NRXN3: variants seen among roughly 807,000 people sequenced by gnomAD.
The protein encoded by NRXN3 is neurexin 3, also known as neurexin III.
Under a neutral mutation model 137.6 loss-of-function variants are expected in NRXN3, and 32 were observed. That is an observed-to-expected ratio of 0.23 (90% CI 0.18 to 0.31). The LOEUF is 0.31. Among genes scored for constraint, NRXN3 ranks in the 10% least tolerant of loss-of-function variants. NRXN3 has a pLI of 1.00. For missense variants in NRXN3, 1,574 were observed against 2,062.5 expected (o/e 0.76, Z 4.59); for synonymous variants, 798 against 784.5 (o/e 1.02, Z -0.29).
rs141877601 is a variant in NRXN3, at chr14:78,802,339, C to T, written c.2045-1281C>T. 2.9e-3 allele frequency among the ~76,000 whole-genome samples: 444 copies of T among 152,146 alleles called. 4 individuals are homozygous for T. Among genetic ancestry groups the T allele is most frequent in the African/African-American group, 0.01 (428 of 41,494 alleles). On this transcript the variant is annotated intron_variant, in intron 8 of 20. Transcript: ENST00000335750. ...ATAGGTGGGAACTGAACAATGAGAA[C>T]ACATGGACACAGGAAGGGGAACATC...
At chr14:78,772,168 A>G (rs942334185) in intron 8 of NRXN3, among the ~76,000 whole-genome samples, 1 of 152,166 alleles carries the variant, frequency 6.6e-6, no homozygotes, top group East Asian at 1.9e-4. Context: ...CAGAGTTTCA[A>G]ATTAAGGATG....
intron 4 of NRXN3, among the ~76,000 whole-genome samples, chr14:78,310,109 C>G (rs991517240): frequency 6.6e-6 from 1 of 152,044 alleles, no homozygotes; most frequent in Non-Finnish European, 1.5e-5. Flanking sequence ...CTGCTTAACT[C>G]TAGGAAGAGC....
intron 8 of NRXN3, among the ~76,000 whole-genome samples, chr14:78,723,806 C>A (rs201350928): frequency 7.1e-6 from 1 of 140,722 alleles, no homozygotes; most frequent in Middle Eastern, 3.3e-3. Context: ...TTTTTTTTTT[C>A]TTGTGTGGTG....
chr14:79,816,057 A>C (rs1454762311), intron 20 of NRXN3, among the ~76,000 whole-genome samples: 4 of 152,204 alleles, frequency 2.6e-5, no homozygotes, highest in African/African-American at 7.2e-5. Flanking sequence ...CCCAGGTACT[A>C]TACTGGGTAC....
intron 2 of NRXN3, among the ~76,000 whole-genome samples, chr14:78,257,934 G>C (rs898194562): frequency 5.3e-5 from 8 of 152,138 alleles, no homozygotes; most frequent in African/African-American, 1.9e-4. Flanking sequence ...GTATTAAGGG[G>C]TGGGTAGTGA....
chr14:79,347,576 C>A (rs1017748356), intron 15 of NRXN3, among the ~76,000 whole-genome samples: 1 of 152,056 alleles, frequency 6.6e-6, no homozygotes, highest in Non-Finnish European at 1.5e-5. Flanking sequence ...CACGTGCCAC[C>A]ACCCCTGGCT....
chr14:79,710,615 G>A (rs1231327548), intron 19 of NRXN3, among the ~76,000 whole-genome samples: 1 of 152,204 alleles, frequency 6.6e-6, no homozygotes, highest in African/African-American at 2.4e-5. Context: ...TACTTCCACA[G>A]TCCAGTTTAT....
chr14:79,720,698 C>T (rs191945045), intron 19 of NRXN3, among the ~76,000 whole-genome samples: 13 of 151,986 alleles, frequency 8.6e-5, no homozygotes, highest in African/African-American at 2.7e-4. Context: ...GAATAAATAT[C>T]CTAAAACTAA....
intron 4 of NRXN3, among the ~76,000 whole-genome samples, chr14:78,550,480 T>C (rs1186294198): frequency 6.6e-6 from 1 of 151,932 alleles, no homozygotes; most frequent in Non-Finnish European, 1.5e-5. Context: ...TTAGTAAAGT[T>C]CAAATGACAA....
chr14:78,823,825 G>T (rs762588530), intron 10 of NRXN3, among the ~76,000 whole-genome samples: 1 of 151,756 alleles, frequency 6.6e-6, no homozygotes, highest in Non-Finnish European at 1.5e-5. Context: ...GCCTCTTCAT[G>T]GGTTACACGT....
intron 13 of NRXN3, 24 bp downstream of exon 13, chr14:78,967,422 T>C: frequency 6.4e-7 from 1 of 1,565,404 alleles, no homozygotes; most frequent in Non-Finnish European, 8.8e-7. Context: ...AGAAATTTAG[T>C]TTTTAATAGA....
In NRXN3 at chr14:78,520,414, C is replaced by T. The variant is rs567635840; in HGVS notation, c.758-124706C>T. Among the ~76,000 whole-genome samples, 32 of 152,100 alleles carry T rather than the reference C, an allele frequency of 2.1e-4. No individual in the cohort carries two copies. In the South Asian group the frequency reaches 6.7e-3, roughly 32 times the overall value. On this transcript the variant is annotated intron_variant, in intron 4 of 20. Transcript: ENST00000335750. Reference sequence around the variant, plus strand: ...GTTGGAATTTCTTTAGCCTTTTAGCCCAGATCACATATACTTATTACGTAT... The same window carrying T: ...GTTGGAATTTCTTTAGCCTTTTAGCTCAGATCACATATACTTATTACGTAT...
At chr14:78,258,649 G>A (rs919693556) in intron 2 of NRXN3, among the ~76,000 whole-genome samples, 5 of 152,146 alleles carry the variant, frequency 3.3e-5, no homozygotes, top group Non-Finnish European at 5.9e-5. Flanking sequence ...AAGGAAACTA[G>A]GAGTGAAAGA....
chr14:79,619,394 G>A (rs1049047951), intron 16 of NRXN3, among the ~76,000 whole-genome samples: 1 of 152,014 alleles, frequency 6.6e-6, no homozygotes, highest in Non-Finnish European at 1.5e-5. Flanking sequence ...GGTGAGAGGT[G>A]TAGGGGTCCA....
intron 4 of NRXN3, among the ~76,000 whole-genome samples, chr14:78,397,122 G>A (rs989197400): frequency 2.0e-5 from 3 of 152,180 alleles, no homozygotes; most frequent in African/African-American, 7.2e-5. Context: ...TCAGTCCATA[G>A]CATGTGCCAT....
intron 8 of NRXN3, among the ~76,000 whole-genome samples, chr14:78,792,227 G>A (rs1461990933): frequency 4.3e-5 from 1 of 23,050 alleles, no homozygotes; most frequent in Non-Finnish European, 8.3e-5. Context: ...CAAATTATCT[G>A]AAAGGAAAAG....
At chr14:79,059,202 C>T (rs1408670375) in intron 15 of NRXN3, among the ~76,000 whole-genome samples, 3 of 149,892 alleles carry the variant, frequency 2.0e-5, no homozygotes, top group African/African-American at 7.4e-5. Context: ...CAGATCAAAA[C>T]AATGAGGGCA....
At chr14:79,200,163 A>G (rs2065766017) in intron 15 of NRXN3, 1 of 152,174 alleles carries the variant, frequency 6.6e-6, no homozygotes, top group African/African-American at 2.4e-5. Flanking sequence ...GAGAGTTTTG[A>G]GGTTTGGATG....
At chr14:79,283,320 A>G (rs1447729723) in intron 15 of NRXN3, among the ~76,000 whole-genome samples, 1 of 152,148 alleles carries the variant, frequency 6.6e-6, no homozygotes. Context: ...TTGTTTTTTT[A>G]ACTACACTTG....
Sources: gnomAD v4.1 joint callset for allele counts (sites outside exome capture counted in the v4.1 genomes callset) on GRCh38, gnomAD v4.1.1 for gene constraint, MANE v1.5 for transcripts, NCBI Gene and HGNC (gene_info 2026-07-23, HGNC 2026-07-21) for gene names.